The following CHRM3 variants were observed in gnomAD, a reference collection of about 807,000 sequenced individuals.
CHRM3 encodes cholinergic receptor muscarinic 3, also known as muscarinic acetylcholine receptor M3.
A neutral mutation model predicts 41.8 loss-of-function variants in CHRM3; 11 were observed. The ratio of observed to expected loss-of-function variants is 0.26; its 90% CI spans 0.17 to 0.44. The LOEUF (loss-of-function observed/expected upper bound fraction) is 0.44. Among genes scored for constraint, CHRM3 ranks in the 20% least tolerant of loss-of-function variants. CHRM3 has a pLI of 1.00. For missense variants in CHRM3, 571 were observed against 745.4 expected, an observed-to-expected ratio of 0.77 and a Z score of 2.72; for synonymous variants, 297 against 301.4, an observed-to-expected ratio of 0.99 and a Z score of 0.15.
At position 239,416,497 on chromosome 1, in the gene CHRM3, A is replaced by G. The variant is rs374465567; in HGVS notation, c.-521+29270A>G. On this transcript the variant is annotated intron_variant, in intron 1 of 6. Coordinates refer to ENST00000676153, the MANE Select transcript of CHRM3 (RefSeq NM_001375978.1). The stretch of plus-strand genomic sequence containing the variant: ...GAAATATACTTTTATCTTCTTTCCA[A>G]TGAAAACATACTGGTCTGGATTAAT... 9.2e-5 allele frequency among the ~76,000 whole-genome samples: 14 copies of G among 152,348 alleles called. No individual in the cohort carries two copies. The East Asian group carries it at 1.5e-3, about 17-fold the overall frequency.
rs377051027 is a variant in CHRM3 at position 239,810,048 on chromosome 1, G to T, written c.-146-17204G>T. Among the ~76,000 whole-genome samples, 37 of 152,302 alleles carry T rather than the reference G, an allele frequency of 2.4e-4. No individual in the cohort carries two copies. In the East Asian group the frequency reaches 7.1e-3, roughly 29 times the overall value. On this transcript the variant is annotated intron_variant, in intron 5 of 6. Coordinates refer to ENST00000676153, the MANE Select transcript of CHRM3 (RefSeq NM_001375978.1). ...CTTAAGATTCATTGCACTCAAAGGA[G>T]GCCGCGTATGGAATGCAGCCACCAT...
chr1:239,604,567 T>C (rs1666011670), intron 3 of CHRM3, among the ~76,000 whole-genome samples: 1 of 152,222 alleles, frequency 6.6e-6, no homozygotes, highest in Non-Finnish European at 1.5e-5. Context: ...TGGCTTTCTT[T>C]GCCCTGATTA....
chr1:239,913,743 G>A lies in CHRM3; in HGVS notation c.*4519G>A, dbSNP rs1408015393. 4 of 166,994 alleles carry A rather than the reference G, an allele frequency of 2.4e-5. No individual in the cohort carries two copies. Among genetic ancestry groups the A allele is most frequent in the East Asian group, 1.9e-4 (1 of 5,200 alleles). The allele number at this position is 166,994 out of a possible 1,614,324, so 10.3% of individuals were successfully genotyped here. A position where few individuals can be genotyped will look rare whatever the true frequency, so the allele number is the denominator to read the frequency against. On this transcript the variant is annotated 3_prime_UTR_variant, in exon 7 of 7. Coordinates refer to ENST00000676153, the MANE Select transcript of CHRM3 (RefSeq NM_001375978.1). ...AGTTCATAAAATGACTATACCCCAC[G>A]TAAGTTTGTAACTGCACAGTGTTTT...
At chr1:239,686,310 G>C (rs2149121390) in intron 5 of CHRM3, among the ~76,000 whole-genome samples, 1 of 152,276 alleles carries the variant, frequency 6.6e-6, no homozygotes, top group East Asian at 1.9e-4. Context: ...GTTCCCTTCT[G>C]TGAATCATAT....
At chr1:239,541,945 A>G (rs958169007) in intron 2 of CHRM3, among the ~76,000 whole-genome samples, 1 of 152,174 alleles carries the variant, frequency 6.6e-6, no homozygotes, top group Non-Finnish European at 1.5e-5. Flanking sequence ...ATCACTCCAG[A>G]TTGTAACTCC....
At chr1:239,492,995 A>T (rs1477218744) in intron 2 of CHRM3, among the ~76,000 whole-genome samples, 188 bp downstream of exon 2, 4 of 152,188 alleles carry the variant, frequency 2.6e-5, no homozygotes, top group Non-Finnish European at 5.9e-5. Context: ...TTAGCATTGC[A>T]AGTTCCTCCA....
intron 5 of CHRM3, among the ~76,000 whole-genome samples, chr1:239,804,562 T>G (rs1233808764): frequency 1.3e-5 from 2 of 152,160 alleles, no homozygotes; most frequent in Non-Finnish European, 2.9e-5. Flanking sequence ...TGCCATTTGT[T>G]TTTAAGAGAG....
At chr1:239,499,178 A>T (rs1668066047) in intron 2 of CHRM3, among the ~76,000 whole-genome samples, 1 of 152,124 alleles carries the variant, frequency 6.6e-6, no homozygotes, top group Non-Finnish European at 1.5e-5. Context: ...TGACGATTTC[A>T]TGATTTAGAA....
chr1:239,569,639 A>G (rs1055105636), intron 3 of CHRM3, among the ~76,000 whole-genome samples: 21 of 152,220 alleles, frequency 1.4e-4, no homozygotes, highest in African/African-American at 1.9e-4. Context: ...AGAAAAAGTA[A>G]TTGAAAAATA....
At chr1:239,587,752 C>T (rs1337055086) in intron 3 of CHRM3, among the ~76,000 whole-genome samples, 1 of 152,132 alleles carries the variant, frequency 6.6e-6, no homozygotes, top group Non-Finnish European at 1.5e-5. Context: ...TTATAGTCAC[C>T]ATTACAAAAG....
At chr1:239,472,099 G>A (rs577010423) in intron 1 of CHRM3, among the ~76,000 whole-genome samples, 74 of 152,198 alleles carry the variant, frequency 4.9e-4, no homozygotes, top group African/African-American at 1.7e-3. Flanking sequence ...TACTTCATAG[G>A]CAGATAGGAC....
intron 3 of CHRM3, among the ~76,000 whole-genome samples, chr1:239,556,107 C>T (rs141741432): frequency 5.7e-4 from 87 of 152,226 alleles, no homozygotes; most frequent in Non-Finnish European, 8.1e-4. Context: ...AAATGAGAAA[C>T]ATTAACTACG....
At chr1:239,733,695 G>A (rs1664165239) in intron 5 of CHRM3, among the ~76,000 whole-genome samples, 1 of 151,946 alleles carries the variant, frequency 6.6e-6, no homozygotes, top group East Asian at 1.9e-4. Context: ...AGATTAAATA[G>A]GGAATTTAAT....
intron 5 of CHRM3, among the ~76,000 whole-genome samples, chr1:239,715,107 A>G (rs1662204494): frequency 6.6e-6 from 1 of 152,130 alleles, no homozygotes; most frequent in Non-Finnish European, 1.5e-5. Context: ...ACCACAGATT[A>G]AGTGAGTAAA....
chr1:239,805,329 G>A (rs1262944298), intron 5 of CHRM3, among the ~76,000 whole-genome samples: 1 of 152,142 alleles, frequency 6.6e-6, no homozygotes, highest in Non-Finnish European at 1.5e-5. Context: ...CATAGGCCTG[G>A]AGCTAAGTTC....
chr1:239,402,531 T>G (rs1660068180), intron 1 of CHRM3, among the ~76,000 whole-genome samples: 1 of 152,198 alleles, frequency 6.6e-6, no homozygotes, highest in African/African-American at 2.4e-5. Flanking sequence ...CTTTCCCCGC[T>G]CTGTCATGTC....
chr1:239,391,895 C>T (rs975200282), intron 1 of CHRM3, among the ~76,000 whole-genome samples: 3 of 152,162 alleles, frequency 2.0e-5, no homozygotes, highest in African/African-American at 7.2e-5. Flanking sequence ...GACTCAGGAG[C>T]CTGGCCCTTC....
intron 5 of CHRM3, among the ~76,000 whole-genome samples, chr1:239,682,689 A>G (rs1658684204): frequency 6.6e-6 from 1 of 152,126 alleles, no homozygotes; most frequent in Admixed American, 6.6e-5. Context: ...ATTATATGGC[A>G]GATACAACAT....
intron 6 of CHRM3, among the ~76,000 whole-genome samples, chr1:239,840,793 G>A (rs1336141776): frequency 2.0e-5 from 3 of 152,158 alleles, no homozygotes; most frequent in Admixed American, 6.5e-5. Flanking sequence ...GGTTACCATG[G>A]TGTTTTCTCT....
Sources: gnomAD v4.1 joint callset for allele counts (sites outside exome capture counted in the v4.1 genomes callset) on GRCh38, gnomAD v4.1.1 for gene constraint, MANE v1.5 for transcripts, NCBI Gene and HGNC (gene_info 2026-07-23, HGNC 2026-07-21) for gene names.